The following RALYL variants were observed in gnomAD, a reference collection of about 807,000 sequenced individuals.
RALYL encodes the protein RALY RNA binding protein like, also known as RNA-binding Raly-like protein.
In RALYL, 29 loss-of-function variants were observed where a neutral mutation model predicts 35.1. The ratio of observed to expected loss-of-function variants is 0.83; its 90% CI spans 0.61 to 1.13. The LOEUF is 1.13. RALYL is among the 50% of genes most tolerant of loss of function. The pLI, the probability that RALYL is intolerant of heterozygous loss-of-function variation, is 0.00. For synonymous variants in RALYL, 120 were observed against 127.6 expected (o/e 0.94, Z 0.40); for missense variants, 359 against 360.4 (o/e 1.00, Z 0.03).
At chr8:84,766,303 G>A (rs1813945275) in intron 2 of RALYL, among the ~76,000 whole-genome samples, 1 of 151,754 alleles carries the variant, frequency 6.6e-6, no homozygotes, top group Non-Finnish European at 1.5e-5. Context: ...ATCTTTTTTT[G>A]CAGTTTTATC....
chr8:84,866,121 G>A lies in RALYL; in HGVS notation c.571+3668G>A, dbSNP rs75310716. Among the ~76,000 whole-genome samples the A allele has an allele frequency of 5.0e-3, 757 of 152,188 alleles. 4 individuals carry two copies. Among genetic ancestry groups the A allele is most frequent in the South Asian group, 0.025 (119 of 4,818 alleles). On this transcript the variant is annotated intron_variant, in intron 6 of 8. Transcript: ENST00000521268. ...TTAAAGAGAGAATGTACTATTGGCC[G>A]GAAAGGTTAGAGAAGGCTTAACAGA...
intron 6 of RALYL, 64 bp downstream of exon 6, chr8:84,862,517 A>G: frequency 7.8e-7 from 1 of 1,277,818 alleles, no homozygotes; most frequent in Non-Finnish European, 1.1e-6. Context: ...CATTGCACGA[A>G]TGCCTATATT....
intron 2 of RALYL, among the ~76,000 whole-genome samples, chr8:84,534,726 A>G (rs1013626589): frequency 2.6e-5 from 4 of 152,182 alleles, no homozygotes; most frequent in South Asian, 4.1e-4. Flanking sequence ...AGAAGAAGGA[A>G]GGAGAAGTGG....
At chr8:84,420,404 T>C (rs1264818662) in intron 1 of RALYL, among the ~76,000 whole-genome samples, 1 of 152,146 alleles carries the variant, frequency 6.6e-6, no homozygotes, top group Admixed American at 6.5e-5. Context: ...TTTGTTTTTT[T>C]CTTGTACATT....
intron 1 of RALYL, among the ~76,000 whole-genome samples, chr8:84,267,586 C>T (rs1833569512): frequency 1.3e-5 from 2 of 152,148 alleles, no homozygotes; most frequent in Non-Finnish European, 2.9e-5. Flanking sequence ...GCCTATGTTA[C>T]GCCATGTCTT....
At chr8:84,755,625 G>A (rs958527137) in intron 2 of RALYL, among the ~76,000 whole-genome samples, 3 of 152,190 alleles carry the variant, frequency 2.0e-5, no homozygotes, top group African/African-American at 7.2e-5. Flanking sequence ...TGAGTGCTGT[G>A]TCTGTATAAA....
chr8:84,389,354 A>T (rs528562077), intron 1 of RALYL, among the ~76,000 whole-genome samples: 51 of 152,098 alleles, frequency 3.4e-4, no homozygotes, highest in African/African-American at 1.2e-3. Context: ...ATGAACTTTA[A>T]AGTAGTTTTT....
At chr8:84,903,496 A>G (rs929478437) in intron 8 of RALYL, among the ~76,000 whole-genome samples, 1 of 152,046 alleles carries the variant, frequency 6.6e-6, no homozygotes, top group Non-Finnish European at 1.5e-5. Flanking sequence ...AGACTAGACC[A>G]CTCACAGGCA....
rs554955938 is a variant in RALYL at position 84,419,767 on chromosome 8, A to G, written c.-23-109532A>G. Among the ~76,000 whole-genome samples, 174 of 142,100 alleles carry G rather than the reference A, an allele frequency of 1.2e-3. 1 individual carries two copies. Among genetic ancestry groups the G allele is most frequent in the Middle Eastern group, 7.8e-3 (2 of 258 alleles). 93.2% of individuals were successfully genotyped at this position (142,100 alleles called of 152,430 possible). On this transcript the variant is annotated intron_variant, in intron 1 of 8. Coordinates refer to ENST00000521268, the MANE Select transcript of RALYL (RefSeq NM_173848.7). ...TGTGTCCATGTGATCTCATTGTTCA[A>G]TTCCCACCTATGAGTGAGAATATGC...
intron 2 of RALYL, among the ~76,000 whole-genome samples, chr8:84,536,863 G>A (rs886966600): frequency 2.0e-5 from 3 of 152,108 alleles, no homozygotes; most frequent in Admixed American, 6.5e-5. Context: ...TTAAATATTC[G>A]CTGCAATAAG....
chr8:84,703,389 G>A (rs1840566413), intron 2 of RALYL, among the ~76,000 whole-genome samples: 2 of 152,050 alleles, frequency 1.3e-5, no homozygotes, highest in Admixed American at 6.6e-5. Context: ...GAGAAAGGTG[G>A]GCCAAACATT....
At chr8:84,642,099 T>C (rs992461382) in intron 2 of RALYL, among the ~76,000 whole-genome samples, 3 of 152,014 alleles carry the variant, frequency 2.0e-5, no homozygotes, top group African/African-American at 7.2e-5. Flanking sequence ...CAGAACATAA[T>C]ACATGTATAT....
chr8:84,424,856 C>G (rs1409643162), intron 1 of RALYL, among the ~76,000 whole-genome samples: 2 of 151,914 alleles, frequency 1.3e-5, no homozygotes, highest in Non-Finnish European at 2.9e-5. Flanking sequence ...CCCAGTTAGG[C>G]TGCTCGGGGG....
chr8:84,454,977 T>G (rs918906651), intron 1 of RALYL, among the ~76,000 whole-genome samples: 1 of 152,080 alleles, frequency 6.6e-6, no homozygotes, highest in African/African-American at 2.4e-5. Flanking sequence ...GCGTAAAAGA[T>G]TCACATAATC....
intron 4 of RALYL, among the ~76,000 whole-genome samples, chr8:84,831,080 G>A (rs1181664152): frequency 2.0e-5 from 3 of 151,870 alleles, no homozygotes; most frequent in Admixed American, 6.6e-5. Context: ...GAAAAAAATG[G>A]GATGAAACAC....
At position 84,469,009 on chromosome 8, in the gene RALYL, A is replaced by G. The variant is rs1164114144; in HGVS notation, c.-23-60290A>G. ...TTCAGCTCCATCAGCTCCTTTAAGCACTTCTCTGTATTGGTTATTCTAGTT... is the reference window on the plus strand; with the variant it reads ...TTCAGCTCCATCAGCTCCTTTAAGCGCTTCTCTGTATTGGTTATTCTAGTT... On this transcript the variant is annotated intron_variant, in intron 1 of 8. Coordinates refer to ENST00000521268, the MANE Select transcript of RALYL (RefSeq NM_173848.7). Among the ~76,000 whole-genome samples the G allele has an allele frequency of 5.3e-5, 8 of 151,330 alleles. No individual in the cohort carries two copies. In the East Asian group the frequency reaches 1.6e-3, roughly 30 times the overall value.
chr8:84,510,194 A>T (rs116185676), intron 1 of RALYL, among the ~76,000 whole-genome samples: 1 of 152,188 alleles, frequency 6.6e-6, no homozygotes, highest in Admixed American at 6.5e-5. Flanking sequence ...GGCTTTTATC[A>T]TATAAGTTGT....
intron 1 of RALYL, chr8:84,184,842 C>T: frequency 2.4e-6 from 2 of 831,758 alleles, no homozygotes; most frequent in Non-Finnish European, 3.9e-6. Context: ...CTAGAGGGGA[C>T]CCTCAGAGCA....
chr8:84,275,852 T>A (rs561812308), intron 1 of RALYL, among the ~76,000 whole-genome samples: 5 of 152,258 alleles, frequency 3.3e-5, no homozygotes, highest in African/African-American at 1.2e-4. Context: ...TCTTTACAAA[T>A]GTCATGCTTG....
Sources: allele counts gnomAD v4.1 joint callset (sites outside exome capture counted in the v4.1 genomes callset), GRCh38; gene constraint gnomAD v4.1.1; transcripts MANE v1.5; gene names NCBI Gene and HGNC (gene_info 2026-07-23, HGNC 2026-07-21).